The following UTP25 variants were observed in gnomAD, a reference collection of about 807,000 sequenced individuals.
The protein encoded by UTP25 is U3 small nucleolar RNA-associated protein 25 homolog.
A neutral mutation model predicts 78.9 loss-of-function variants in UTP25; 50 were observed. The observed-to-expected ratio is 0.63, with a 90% confidence interval of 0.50 to 0.80. The LOEUF (loss-of-function observed/expected upper bound fraction) is 0.80, where lower values mean the gene tolerates loss of function less well. Among genes scored for constraint, UTP25 ranks in the 30% least tolerant of loss-of-function variants. UTP25 has a pLI of 0.00. For synonymous variants in UTP25, 329 were observed against 336.5 expected (o/e 0.98, Z 0.24); for missense variants, 846 against 911.3 (o/e 0.93, Z 0.92).
chr1:209,849,803 C>CT (rs2078220759), intron 11 of UTP25, among the ~76,000 whole-genome samples: 1 of 152,214 alleles, frequency 6.6e-6, no homozygotes, highest in Admixed American at 6.5e-5. Context: ...TTACTACCCA[C>CT]TTTTTTGGCA....
In UTP25 at chr1:209,856,499, GGA is replaced by G. The variant is rs2078277144; in HGVS notation, c.*5056_*5057del. The G allele has an allele frequency of 6.6e-6, 1 of 152,254 alleles. No individual in the cohort carries two copies. The highest frequency in any genetic ancestry group is 2.4e-5 in the African/African-American group (1 of 41,452). 9.4% of individuals were successfully genotyped at this position (152,254 alleles called of 1,614,324 possible). ...CCTGAGGCTATAAGCTCTGTACGTA[GGA>G]GAGTGGTGAAGAAAGGAGCTTGGTT... On this transcript the variant is annotated 3_prime_UTR_variant, in exon 12 of 12. Coordinates refer to ENST00000491415, the MANE Select transcript of UTP25 (RefSeq NM_014388.7).
intron 11 of UTP25, among the ~76,000 whole-genome samples, chr1:209,846,652 C>T (rs923909191): frequency 6.6e-6 from 1 of 152,126 alleles, no homozygotes; most frequent in African/African-American, 2.4e-5. Context: ...GGTGATTAGG[C>T]TGTGTTTGTA....
At chr1:209,832,826 G>T (rs2078110612) in intron 3 of UTP25, among the ~76,000 whole-genome samples, 2 of 152,220 alleles carry the variant, frequency 1.3e-5, no homozygotes, top group Admixed American at 6.5e-5. Context: ...GGAGGTTGCA[G>T]TGAGCCAAGA....
chr1:209,848,247 G>T (rs890366194), intron 11 of UTP25, among the ~76,000 whole-genome samples: 4 of 152,174 alleles, frequency 2.6e-5, no homozygotes, highest in African/African-American at 9.6e-5. Flanking sequence ...CTTTTGATAA[G>T]AATTCTACTT....
At chr1:209,842,726 G>A (rs757722144) in intron 10 of UTP25, 31 bp downstream of exon 10, 9 of 1,521,500 alleles carry the variant, frequency 5.9e-6, no homozygotes, top group South Asian at 2.3e-5. Context: ...GGCCCCTGGG[G>A]ACCACATAGA....
intron 4 of UTP25, 75 bp downstream of exon 4, chr1:209,833,433 C>T: frequency 7.9e-7 from 1 of 1,271,986 alleles, no homozygotes; most frequent in East Asian, 2.6e-5. Flanking sequence ...CACATTGAAT[C>T]TATTATTGGA....
Position 209,856,404 on chromosome 1 carries a change from G to A in UTP25, c.*4957G>A, listed in dbSNP as rs762022469. 2.0e-5 allele frequency: 3 copies of A among 152,250 alleles called. No homozygotes were observed. The highest frequency in any genetic ancestry group is 1.9e-4 in the East Asian group (1 of 5,204). The allele number at this position is 152,250 out of a possible 1,614,324, so 9.4% of individuals were successfully genotyped here. On this transcript the variant is annotated 3_prime_UTR_variant, in exon 12 of 12. Coordinates refer to ENST00000491415, the MANE Select transcript of UTP25 (RefSeq NM_014388.7). ...TTCTAGGGGAGTTCTTTAAAACTCA[G>A]AGGAGCACCACTTTTACCTTCTGCT...
rs7551944 is a variant in UTP25 at position 209,856,085 on chromosome 1, G to C, written c.*4638G>C. On this transcript the variant is annotated 3_prime_UTR_variant, in exon 12 of 12. Coordinates refer to ENST00000491415, the MANE Select transcript of UTP25 (RefSeq NM_014388.7). ...TCATTTTTTCAAAGCTGGGTGTTGG[G>C]ACCAACATCACCACTGACATTCTGT... The C allele has an allele frequency of 0.11, 16,222 of 152,220 alleles. 1,157 individuals are homozygous for C. Among genetic ancestry groups the C allele is most frequent in the South Asian group, 0.16 (752 of 4,818 alleles). The allele number at this position is 152,220 out of a possible 1,614,324, so 9.4% of individuals were successfully genotyped here.
rs1245064311 is a variant in UTP25 at position 209,833,423 on chromosome 1, C to T, written c.562+65C>T. 8 of 1,327,070 alleles carry T rather than the reference C, an allele frequency of 6.0e-6. No individual in the cohort carries two copies. In the East Asian group the frequency reaches 2.1e-4, roughly 34 times the overall value. 82.2% of individuals were successfully genotyped at this position (1,327,070 alleles called of 1,614,324 possible). On this transcript the variant is annotated intron_variant, in intron 4 of 11. Transcript: ENST00000491415. ...TTAGTATGGAATTTGTGTACTAATA[C>T]ACATTGAATCTATTATTGGAACAAA... is the stretch of plus-strand genomic sequence containing the variant.
chr1:209,851,554 A>G lies in UTP25; in HGVS notation c.*107A>G, dbSNP rs867881397. 81 of 1,396,854 alleles carry G rather than the reference A, an allele frequency of 5.8e-5. No homozygotes were observed. The highest frequency in any genetic ancestry group is 2.3e-4 in the Middle Eastern group (1 of 4,342). 86.5% of individuals were successfully genotyped at this position (1,396,854 alleles called of 1,614,324 possible). On this transcript the variant is annotated 3_prime_UTR_variant, in exon 12 of 12. Coordinates refer to ENST00000491415, the MANE Select transcript of UTP25 (RefSeq NM_014388.7). The stretch of plus-strand genomic sequence containing the variant: ...ACAGAAGAAGGACTGATACAAAGAA[A>G]GTGCATGAGGCAATGTCAGTATTAT...
intron 11 of UTP25, among the ~76,000 whole-genome samples, chr1:209,850,242 G>A (rs1371692303): frequency 1.3e-5 from 2 of 152,188 alleles, no homozygotes; most frequent in Non-Finnish European, 2.9e-5. Flanking sequence ...GAACTAGTGA[G>A]GTAGAACAGT....
rs1409196633 is a variant in UTP25, at chr1:209,854,346, C to T, written c.*2899C>T. On this transcript the variant is annotated 3_prime_UTR_variant, in exon 12 of 12. Transcript: ENST00000491415. ...TTTTGAGAGAGAAAAAGCTTTGAATCGTGGATGCTTCTCACAGCTGGCTGC... is the reference window on the plus strand; with the variant it reads ...TTTTGAGAGAGAAAAAGCTTTGAATTGTGGATGCTTCTCACAGCTGGCTGC... 2 of 152,190 alleles carry T rather than the reference C, an allele frequency of 1.3e-5. No homozygotes were observed. Among genetic ancestry groups the T allele is most frequent in the Non-Finnish European group, 2.9e-5 (2 of 68,028 alleles). The allele number at this position is 152,190 out of a possible 1,614,324, so 9.4% of individuals were successfully genotyped here.
At chr1:209,835,187 GTCA>G in intron 5 of UTP25, 24 bp downstream of exon 5, 1 of 1,597,990 alleles carries the variant, frequency 6.3e-7, no homozygotes, top group South Asian at 1.1e-5. Context: ...GGTCATCCCG[GTCA>G]CAAATAGAGA....
intron 11 of UTP25, among the ~76,000 whole-genome samples, chr1:209,845,849 T>C (rs1045553287): frequency 6.7e-6 from 1 of 148,804 alleles, no homozygotes; most frequent in Non-Finnish European, 1.5e-5. Context: ...TACTTTTTTT[T>C]TCTTTTTCTT....
chr1:209,835,381 T>A (rs2078127442), intron 5 of UTP25, among the ~76,000 whole-genome samples: 1 of 152,172 alleles, frequency 6.6e-6, no homozygotes, highest in African/African-American at 2.4e-5. Context: ...GATAATATAA[T>A]GATGGGTAAG....
At chr1:209,833,096 T>C (rs2078112155) in intron 3 of UTP25, 89 bp from the exon 4 acceptor site, 2 of 1,235,336 alleles carry the variant, frequency 1.6e-6, no homozygotes, top group East Asian at 2.6e-5. Context: ...ATGAACGCTA[T>C]TGTTGGTATA....
intron 11 of UTP25, among the ~76,000 whole-genome samples, chr1:209,846,369 G>A (rs923108358): frequency 6.6e-6 from 1 of 152,166 alleles, no homozygotes; most frequent in Non-Finnish European, 1.5e-5. Flanking sequence ...ATGGGTCACA[G>A]CTCTTTTCCA....
chr1:209,830,833 A>G lies in UTP25; in HGVS notation c.178A>G (p.Ser60Gly), dbSNP rs779058030. 1 of 1,613,892 alleles carries G rather than the reference A, an allele frequency of 6.2e-7. No homozygotes were observed. The highest frequency in any genetic ancestry group is 8.5e-7 in the Non-Finnish European group (1 of 1,179,784). Residue 60 changes from serine to glycine, a missense_variant, in exon 3 of 12, where the codon AGC becomes GGC. Physicochemically the swap from Ser to Gly is moderately conservative, Grantham distance 56 (BLOSUM62 0). Coordinates refer to ENST00000491415, the MANE Select transcript of UTP25 (RefSeq NM_014388.7). Reference sequence around the variant, plus strand: ...GAGTTCAGATTCTTCAGATTCTGAAAGCGACTCAGAGAGTGAACCACAACA... The same window carrying G: ...GAGTTCAGATTCTTCAGATTCTGAAGGCGACTCAGAGAGTGAACCACAACA... ...SESSDSSDSE[S>G]DSESEPQQVS... is the part of the protein sequence containing the mutation.
chr1:209,850,522 AG>A (rs1461066234), intron 11 of UTP25, among the ~76,000 whole-genome samples: 1 of 152,234 alleles, frequency 6.6e-6, no homozygotes, highest in East Asian at 1.9e-4. Context: ...GGAATCCCAC[AG>A]GGGAACGGTT....
Sources: gnomAD v4.1 joint callset for allele counts (sites outside exome capture counted in the v4.1 genomes callset) on GRCh38, gnomAD v4.1.1 for gene constraint, MANE v1.5 for transcripts, NCBI Gene and HGNC (gene_info 2026-07-23, HGNC 2026-07-21) for gene names.